Variants in CHCHD3 observed in about 807,000 individuals in gnomAD.
The protein encoded by CHCHD3 is MICOS complex subunit MIC19.
A neutral mutation model predicts 38.2 loss-of-function variants in CHCHD3; 20 were observed. The ratio of observed to expected loss-of-function variants is 0.52; its 90% CI spans 0.37 to 0.76. The LOEUF (loss-of-function observed/expected upper bound fraction) is 0.76, where lower values mean the gene tolerates loss of function less well. Among genes scored for constraint, CHCHD3 ranks in the 30% least tolerant of loss-of-function variants. The pLI, the probability that CHCHD3 is intolerant of heterozygous loss-of-function variation, is 0.00. For missense variants in CHCHD3, 245 were observed against 279.2 expected (o/e 0.88, Z 0.87); for synonymous variants, 82 against 100.0 (o/e 0.82, Z 1.07).
intron 2 of CHCHD3, among the ~76,000 whole-genome samples, chr7:133,038,942 C>G (rs952522851): frequency 2.0e-5 from 3 of 152,188 alleles, no homozygotes; most frequent in Admixed American, 6.5e-5. Flanking sequence ...ACATTACATT[C>G]TTTGCTGCCA....
At chr7:132,995,559 T>C (rs1481527108) in intron 3 of CHCHD3, among the ~76,000 whole-genome samples, 2 of 152,136 alleles carry the variant, frequency 1.3e-5, no homozygotes, top group East Asian at 3.8e-4. Flanking sequence ...ACAAAAACAA[T>C]AAACAAATGA....
chr7:132,934,907 C>A (rs1179091539), intron 4 of CHCHD3, among the ~76,000 whole-genome samples: 1 of 152,094 alleles, frequency 6.6e-6, no homozygotes, highest in Non-Finnish European at 1.5e-5. Flanking sequence ...ATCTCCCGCA[C>A]AATATGGAAA....
At chr7:132,925,516 C>T (rs879730735) in intron 4 of CHCHD3, among the ~76,000 whole-genome samples, 2 of 152,166 alleles carry the variant, frequency 1.3e-5, no homozygotes, top group East Asian at 3.8e-4. Flanking sequence ...TTTATTTACA[C>T]GGGACACGGG....
intron 4 of CHCHD3, among the ~76,000 whole-genome samples, chr7:132,974,835 C>A (rs1585690115): frequency 6.6e-6 from 1 of 151,438 alleles, no homozygotes; most frequent in African/African-American, 2.4e-5. Flanking sequence ...GATCGCACCA[C>A]TGCACTCTAG....
intron 4 of CHCHD3, among the ~76,000 whole-genome samples, chr7:132,956,861 G>T (rs1811186324): frequency 6.6e-6 from 1 of 152,208 alleles, no homozygotes; most frequent in African/African-American, 2.4e-5. Context: ...GGGAAGGGCT[G>T]CTAAGAAAAC....
At chr7:133,041,237 A>C (rs1813829229) in intron 2 of CHCHD3, among the ~76,000 whole-genome samples, 1 of 152,232 alleles carries the variant, frequency 6.6e-6, no homozygotes, top group Non-Finnish European at 1.5e-5. Flanking sequence ...TCACCTTCTG[A>C]TAAATACCAT....
At chr7:132,789,658 A>G (rs1416391196) in intron 7 of CHCHD3, among the ~76,000 whole-genome samples, 1 of 152,154 alleles carries the variant, frequency 6.6e-6, no homozygotes, top group African/African-American at 2.4e-5. Context: ...TTGATAATTT[A>G]AGAGAAATGA....
chr7:132,938,662 C>T (rs944737364), intron 4 of CHCHD3, among the ~76,000 whole-genome samples: 1 of 152,124 alleles, frequency 6.6e-6, no homozygotes, highest in African/African-American at 2.4e-5. Context: ...AGAAAGCTAT[C>T]CCCATAAGCC....
At chr7:132,871,589 C>T (rs1808768163) in intron 5 of CHCHD3, among the ~76,000 whole-genome samples, 2 of 152,218 alleles carry the variant, frequency 1.3e-5, no homozygotes, top group South Asian at 2.1e-4. Flanking sequence ...TCAGTCAGTG[C>T]TACTCCGTTC....
chr7:132,879,865 T>C (rs536627657), intron 5 of CHCHD3, among the ~76,000 whole-genome samples: 1 of 151,728 alleles, frequency 6.6e-6, no homozygotes, highest in East Asian at 1.9e-4. Flanking sequence ...TTAATGACTA[T>C]AAATTTCTTA....
At chr7:132,945,861 A>C (rs1012528490) in intron 4 of CHCHD3, among the ~76,000 whole-genome samples, 2 of 151,936 alleles carry the variant, frequency 1.3e-5, no homozygotes, top group African/African-American at 4.8e-5. Context: ...TGTTCAATGC[A>C]ATCTACATAA....
intron 2 of CHCHD3, among the ~76,000 whole-genome samples, chr7:133,067,754 C>G (rs1190383798): frequency 6.6e-6 from 1 of 152,244 alleles, no homozygotes; most frequent in Non-Finnish European, 1.5e-5. Flanking sequence ...TTCTACCTCC[C>G]TTACAGTCTT....
intron 5 of CHCHD3, among the ~76,000 whole-genome samples, chr7:132,846,678 C>T (rs1808084880): frequency 6.6e-6 from 1 of 152,144 alleles, no homozygotes; most frequent in African/African-American, 2.4e-5. Context: ...CACAAACTCA[C>T]AGAAATAATG....
chr7:133,009,479 G>T (rs1437944307), intron 3 of CHCHD3, among the ~76,000 whole-genome samples: 1 of 150,098 alleles, frequency 6.7e-6, no homozygotes, highest in African/African-American at 2.5e-5. Context: ...CTGATTCCCA[G>T]AAGCCAGGGA....
chr7:133,036,006 T>A, intron 2 of CHCHD3: 1 of 850,590 alleles, frequency 1.2e-6, no homozygotes. Flanking sequence ...ATGAAACTAG[T>A]AATTAGAATA....
intron 2 of CHCHD3, among the ~76,000 whole-genome samples, chr7:133,043,479 T>C (rs1224873511): frequency 2.0e-5 from 3 of 151,936 alleles, no homozygotes; most frequent in Non-Finnish European, 4.4e-5. Context: ...CCGTGTCTAC[T>C]AAAAATATAA....
chr7:133,053,832 T>C (rs558261645), intron 2 of CHCHD3, among the ~76,000 whole-genome samples: 7 of 152,350 alleles, frequency 4.6e-5, no homozygotes, highest in South Asian at 2.1e-4. Context: ...AAATACCTTC[T>C]GGCTATGATC....
intron 2 of CHCHD3, among the ~76,000 whole-genome samples, chr7:133,060,482 A>G (rs73724161): frequency 2.6e-4 from 39 of 152,260 alleles, no homozygotes; most frequent in African/African-American, 9.4e-4. Flanking sequence ...TTCCTGGGGT[A>G]AGTGGTTTCT....
At chr7:132,923,997 A>T (rs1357743532) in intron 4 of CHCHD3, among the ~76,000 whole-genome samples, 1 of 152,214 alleles carries the variant, frequency 6.6e-6, no homozygotes, top group Non-Finnish European at 1.5e-5. Context: ...CAACAGTAAT[A>T]AACTATGCAA....
Sources: allele counts gnomAD v4.1 joint callset (sites outside exome capture counted in the v4.1 genomes callset), GRCh38; gene constraint gnomAD v4.1.1; transcripts MANE v1.5; gene names NCBI Gene and HGNC (gene_info 2026-07-23, HGNC 2026-07-21).